Variants in RNF17 observed in about 807,000 individuals in gnomAD.
RNF17 encodes the protein ring finger protein 17.
Under a neutral mutation model 200.5 loss-of-function variants are expected in RNF17, and 31 were observed. That is an observed-to-expected ratio of 0.15 (90% CI 0.12 to 0.21). The LOEUF is 0.21. Among genes scored for constraint, RNF17 ranks in the 10% least tolerant of loss-of-function variants. RNF17 has a pLI of 1.00. For synonymous variants in RNF17, 606 were observed against 637.8 expected (o/e 0.95, Z 0.75); for missense variants, 1,628 against 1,905.1 (o/e 0.85, Z 2.71).
chr13:24,881,036 TG>T (rs141452679), downstream of RNF17, among the ~76,000 whole-genome samples: 424 of 152,362 alleles, frequency 2.8e-3, 6 homozygotes, highest in African/African-American at 9.8e-3. Context: ...CTTACTGATT[TG>T]TAGAAACAAT....
chr13:24,822,574 A>AC (rs1203148090), intron 15 of RNF17, among the ~76,000 whole-genome samples: 1 of 151,950 alleles, frequency 6.6e-6, no homozygotes, highest in Admixed American at 6.6e-5. Context: ...TGCATGCACC[A>AC]CCACACCTGA....
the RNF17 span, chr13:24,751,558 T>A: frequency 2.0e-5 from 3 of 152,174 alleles, no homozygotes; most frequent in African/African-American, 7.2e-5. Context: ...CTTTTTTATA[T>A]GAAGGTTCAA....
chr13:24,870,929 A>G (rs936777079), intron 32 of RNF17, among the ~76,000 whole-genome samples, 190 bp downstream of exon 32: 7 of 152,238 alleles, frequency 4.6e-5, no homozygotes, highest in Non-Finnish European at 7.3e-5. Context: ...AGGAAGGTGA[A>G]CTAAGAGACG....
At chr13:24,794,241 G>T (rs1405980642) in intron 10 of RNF17, 1 of 456,422 alleles carries the variant, frequency 2.2e-6, no homozygotes, top group Non-Finnish European at 4.4e-6. Context: ...TGGATCAAAA[G>T]CAGATACTGT....
intron 22 of RNF17, 120 bp downstream of exon 22, chr13:24,845,199 A>C (rs1891122120): frequency 1.7e-6 from 1 of 604,744 alleles, no homozygotes; most frequent in African/African-American, 1.9e-5. Context: ...TTTGGACTTC[A>C]AGAGGGAAAG....
chr13:24,886,701 A>T, the RNF17 span, among the ~76,000 whole-genome samples: 2 of 152,228 alleles, frequency 1.3e-5, no homozygotes, highest in Non-Finnish European at 2.9e-5. Context: ...AAACTAAACT[A>T]TAACTAAAGC....
intron 28 of RNF17, among the ~76,000 whole-genome samples, chr13:24,863,187 C>T (rs771740728): frequency 1.3e-5 from 2 of 152,144 alleles, no homozygotes; most frequent in Admixed American, 1.3e-4. Flanking sequence ...AAGCCCTTAT[C>T]TGGTTAGTGA....
chr13:24,881,742 C>G (rs1953826572), downstream of RNF17, among the ~76,000 whole-genome samples: 1 of 146,246 alleles, frequency 6.8e-6, no homozygotes, highest in Non-Finnish European at 1.5e-5. Context: ...TTATCTAGAT[C>G]ACTTGAGGTC....
At chr13:24,851,331 C>T (rs1667856595) in intron 23 of RNF17, 125 bp from the exon 24 acceptor site, 1 of 724,534 alleles carries the variant, frequency 1.4e-6, no homozygotes, top group African/African-American at 1.8e-5. Flanking sequence ...ATCAAAATAA[C>T]TTGACTCAGC....
chr13:24,802,443 T>C lies in RNF17; in HGVS notation c.1821T>C (p.Val607=). The change falls in exon 14 of 36, where the codon GTT becomes GTC. Residue 607 remains valine, a synonymous_variant. Coordinates refer to ENST00000255324, the MANE Select transcript of RNF17 (RefSeq NM_031277.3). The part of the protein sequence containing the change: ...EFLKMVNNKA[V]SMKVFREEDG... Reference sequence around the variant, plus strand: ...TGAAAATGGTAAATAACAAGGCTGTTTCAATGAAAGTTTTTAGAGAAGAAG... The same window carrying C: ...TGAAAATGGTAAATAACAAGGCTGTCTCAATGAAAGTTTTTAGAGAAGAAG... 1 of 1,613,966 alleles carries C rather than the reference T, an allele frequency of 6.2e-7. No homozygotes were observed. Among genetic ancestry groups the C allele is most frequent in the Non-Finnish European group, 8.5e-7 (1 of 1,179,920 alleles).
rs1202339695 is a variant in RNF17 at position 24,778,383 on chromosome 13, T to C, written c.406T>C (p.Leu136=). Residue 136 remains leucine, a synonymous_variant, in exon 4 of 36, where the codon TTG becomes CTG. Transcript: ENST00000255324. ...ERSASTDKTL[L]NSSAVMLDTN... ...TTCAGCCTCCACAGACAAGACTCTT[T>C]TGAACTCATCAGCTGTAATGTTGGT... 6.2e-7 allele frequency: 1 copy of C among 1,612,468 alleles called. No homozygotes were observed. The highest frequency in any genetic ancestry group is 1.7e-5 in the Admixed American group (1 of 60,024).
chr13:24,870,277 TCTAA>T (rs1306710066), intron 31 of RNF17, among the ~76,000 whole-genome samples: 13 of 151,686 alleles, frequency 8.6e-5, no homozygotes, highest in African/African-American at 2.7e-4. Flanking sequence ...AGAGATGAGG[TCTAA>T]CTGTGTTGCT....
intron 34 of RNF17, among the ~76,000 whole-genome samples, chr13:24,878,691 C>T (rs1895118106): frequency 6.6e-6 from 1 of 152,184 alleles, no homozygotes. Flanking sequence ...AGAGAACCCC[C>T]TTTCTGCCTG....
At chr13:24,886,493 A>G in the RNF17 span, 1 of 532,884 alleles carries the variant, frequency 1.9e-6, no homozygotes, top group African/African-American at 1.9e-5. Flanking sequence ...TAATAGATCC[A>G]GAAAATAACA....
At chr13:24,768,271 C>T (rs1880055705) in intron 2 of RNF17, among the ~76,000 whole-genome samples, 1 of 147,392 alleles carries the variant, frequency 6.8e-6, no homozygotes, top group Non-Finnish European at 1.5e-5. Context: ...GGAAAGTTGA[C>T]TCAAGCTGTA....
At position 24,844,220 on chromosome 13, in the gene RNF17, A is replaced by T. The variant is rs545241756; in HGVS notation, c.2831+249A>T. On this transcript the variant is annotated intron_variant, in intron 20 of 35. Transcript: ENST00000255324. ...ATAACCAGTATTATAAGTGTTAGGG[A>T]TACCCTGGTATAAAACATAGACAAA... Among the ~76,000 whole-genome samples, 27 of 152,332 alleles carry T rather than the reference A, an allele frequency of 1.8e-4. 1 individual carries two copies. The South Asian group carries it at 5.6e-3, about 32-fold the overall frequency.
intron 15 of RNF17, among the ~76,000 whole-genome samples, chr13:24,822,092 A>G (rs1888128299): frequency 6.6e-6 from 1 of 152,206 alleles, no homozygotes; most frequent in African/African-American, 2.4e-5. Context: ...TAGGGCCCAC[A>G]GATTGGTTCA....
downstream of RNF17, among the ~76,000 whole-genome samples, chr13:24,883,569 ATCAT>A: frequency 6.6e-6 from 1 of 152,228 alleles, no homozygotes; most frequent in Middle Eastern, 3.4e-3. Context: ...CATTGTTTTA[ATCAT>A]TCATATTTTC....
the RNF17 span, among the ~76,000 whole-genome samples, chr13:24,756,682 G>C: frequency 2.0e-5 from 3 of 152,114 alleles, no homozygotes; most frequent in African/African-American, 7.2e-5. Flanking sequence ...TCCATTGCTA[G>C]TCAGTACAGA....
Sources: gnomAD v4.1 joint callset for allele counts (sites outside exome capture counted in the v4.1 genomes callset) on GRCh38, gnomAD v4.1.1 for gene constraint, MANE v1.5 for transcripts, NCBI Gene and HGNC (gene_info 2026-07-23, HGNC 2026-07-21) for gene names.